NAV2: variants seen among roughly 807,000 people sequenced by gnomAD.
NAV2 encodes the protein neuron navigator 2, also known as helicase, APC down-regulated 1.
Under a neutral mutation model 223.2 loss-of-function variants are expected in NAV2, and 54 were observed. That is an observed-to-expected ratio of 0.24 (90% CI 0.19 to 0.30). The LOEUF is 0.30. NAV2 is among the 10% of genes least tolerant of loss of function. NAV2 has a pLI of 1.00. For missense variants in NAV2, 2,806 were observed against 3,147.5 expected, an observed-to-expected ratio of 0.89 and a Z score of 2.60; for synonymous variants, 1,279 against 1,239.3, an observed-to-expected ratio of 1.03 and a Z score of -0.67.
At chr11:19,861,940 A>G (rs2061818432) in intron 3 of NAV2, among the ~76,000 whole-genome samples, 2 of 152,204 alleles carry the variant, frequency 1.3e-5, no homozygotes, top group Admixed American at 1.3e-4. Context: ...CCATATGAGT[A>G]TCTTTTGGGA....
At chr11:19,723,904 T>C (rs572051382) in intron 1 of NAV2, among the ~76,000 whole-genome samples, 1 of 152,342 alleles carries the variant, frequency 6.6e-6, no homozygotes, top group South Asian at 2.1e-4. Flanking sequence ...TCAAAATGTG[T>C]GGGCCACAAG....
chr11:19,752,979 A>G (rs2053951711), intron 1 of NAV2, among the ~76,000 whole-genome samples: 1 of 152,130 alleles, frequency 6.6e-6, no homozygotes, highest in Non-Finnish European at 1.5e-5. Flanking sequence ...TGATGGCATT[A>G]TTGCTCTTAT....
intron 1 of NAV2, among the ~76,000 whole-genome samples, chr11:19,507,719 T>C (rs1269089651): frequency 6.6e-6 from 1 of 152,222 alleles, no homozygotes; most frequent in African/African-American, 2.4e-5. Context: ...GAAATCATCA[T>C]CATTATAATC....
chr11:19,944,984 T>C (rs1161055669), intron 8 of NAV2, among the ~76,000 whole-genome samples: 1 of 142,990 alleles, frequency 7.0e-6, no homozygotes, highest in Non-Finnish European at 1.6e-5. Context: ...TTTCTTTCCC[T>C]TTCCCTTTCC....
chr11:19,437,371 A>C (rs1851250978), intron 1 of NAV2, among the ~76,000 whole-genome samples: 1 of 152,094 alleles, frequency 6.6e-6, no homozygotes, highest in African/African-American at 2.4e-5. Flanking sequence ...CATCCTTTAA[A>C]TATTTATTCC....
Position 19,988,314 on chromosome 11 carries a change from A to G in NAV2, c.2768+4067A>G, listed in dbSNP as rs971186917. On this transcript the variant is annotated intron_variant, in intron 11 of 37. Coordinates refer to ENST00000349880, the MANE Select transcript of NAV2 (RefSeq NM_145117.5). ...GAAATCAGGCTTGGTGTGACATTAG[A>G]TCAGGAGGAGGACTTTGGAACTACT... Among the ~76,000 whole-genome samples, 5 of 152,196 alleles carry G rather than the reference A, an allele frequency of 3.3e-5. No individual in the cohort carries two copies. The East Asian group carries it at 9.6e-4, about 29-fold the overall frequency.
chr11:19,814,387 C>T (rs2058985887), intron 1 of NAV2, among the ~76,000 whole-genome samples: 1 of 152,208 alleles, frequency 6.6e-6, no homozygotes, highest in African/African-American at 2.4e-5. Context: ...TGCCCTCTCC[C>T]TCCCCTGGCC....
At chr11:19,776,929 T>C (rs1192085021) in intron 1 of NAV2, among the ~76,000 whole-genome samples, 1 of 151,866 alleles carries the variant, frequency 6.6e-6, no homozygotes, top group East Asian at 1.9e-4. Flanking sequence ...CTCTCCCTAC[T>C]ACCCACGCCC....
intron 4 of NAV2, 60 bp downstream of exon 4, chr11:19,869,057 C>G: frequency 6.8e-7 from 1 of 1,475,884 alleles, no homozygotes; most frequent in Non-Finnish European, 9.4e-7. Context: ...CCACCTGTTA[C>G]TTATGAATGA....
chr11:19,728,896 T>C (rs912507826), intron 1 of NAV2, among the ~76,000 whole-genome samples: 10 of 152,184 alleles, frequency 6.6e-5, no homozygotes, highest in African/African-American at 2.4e-4. Context: ...TTGTTATTAA[T>C]AGCAAGGAAC....
chr11:20,057,622 C>T (rs1379465187), intron 19 of NAV2, among the ~76,000 whole-genome samples: 2 of 152,192 alleles, frequency 1.3e-5, no homozygotes, highest in Non-Finnish European at 2.9e-5. Flanking sequence ...AGCATCGCCA[C>T]AGAGCATTTC....
chr11:19,875,232 C>T (rs1283581809), intron 4 of NAV2, among the ~76,000 whole-genome samples: 2 of 152,270 alleles, frequency 1.3e-5, no homozygotes, highest in Admixed American at 6.5e-5. Flanking sequence ...TCCTGATAAA[C>T]CCACCATAAG....
At chr11:19,725,769 C>T (rs1392244615) in intron 1 of NAV2, among the ~76,000 whole-genome samples, 2 of 152,246 alleles carry the variant, frequency 1.3e-5, no homozygotes, top group East Asian at 3.8e-4. Flanking sequence ...ATTGCCCACA[C>T]CCATGTATTA....
chr11:19,862,199 C>T (rs2061832200), intron 3 of NAV2, among the ~76,000 whole-genome samples: 1 of 152,116 alleles, frequency 6.6e-6, no homozygotes, highest in African/African-American at 2.4e-5. Context: ...CAGAGAAACT[C>T]TTAAAAAGTT....
chr11:19,422,357 T>C (rs971894208), intron 1 of NAV2, among the ~76,000 whole-genome samples: 3 of 152,168 alleles, frequency 2.0e-5, no homozygotes, highest in Middle Eastern at 3.2e-3. Context: ...CGTGATCCCA[T>C]GGAACAGTGA....
intron 10 of NAV2, among the ~76,000 whole-genome samples, chr11:19,965,997 G>T (rs529996946): frequency 1.3e-5 from 2 of 152,232 alleles, no homozygotes; most frequent in African/African-American, 4.8e-5. Context: ...ACATGGCGTG[G>T]CTTCCTGGGG....
intron 1 of NAV2, among the ~76,000 whole-genome samples, chr11:19,679,470 C>T (rs1376528329): frequency 2.0e-5 from 3 of 148,934 alleles, no homozygotes; most frequent in African/African-American, 7.3e-5. Context: ...TATTTTGCCC[C>T]TCTGTTTTTT....
At chr11:19,527,359 A>C (rs1354750647) in intron 1 of NAV2, among the ~76,000 whole-genome samples, 2 of 152,154 alleles carry the variant, frequency 1.3e-5, no homozygotes, top group Non-Finnish European at 2.9e-5. Flanking sequence ...TGAGTCCATT[A>C]AACCCCTTTT....
At chr11:19,548,559 G>A (rs969323375) in intron 1 of NAV2, among the ~76,000 whole-genome samples, 4 of 152,204 alleles carry the variant, frequency 2.6e-5, no homozygotes, top group South Asian at 2.1e-4. Context: ...TGCCATCCAC[G>A]AGTAATAGTA....
Sources: allele counts gnomAD v4.1 joint callset (sites outside exome capture counted in the v4.1 genomes callset), GRCh38; gene constraint gnomAD v4.1.1; transcripts MANE v1.5; gene names NCBI Gene and HGNC (gene_info 2026-07-23, HGNC 2026-07-21).